The following MPHOSPH10 variants were observed in gnomAD, a reference collection of about 807,000 sequenced individuals.
The protein encoded by MPHOSPH10 is M-phase phosphoprotein 10.
A neutral mutation model predicts 77.3 loss-of-function variants in MPHOSPH10; 33 were observed. That is an observed-to-expected ratio of 0.43 (90% CI 0.32 to 0.57). The LOEUF (loss-of-function observed/expected upper bound fraction) is 0.57. Among genes scored for constraint, MPHOSPH10 ranks in the 20% least tolerant of loss-of-function variants. The probability of loss-of-function intolerance (pLI) is 0.07; values close to 1 mark genes in which losing one functional copy is unlikely to be tolerated. For missense variants in MPHOSPH10, 708 were observed against 780.1 expected, an observed-to-expected ratio of 0.91 and a Z score of 1.10; for synonymous variants, 245 against 268.0, an observed-to-expected ratio of 0.91 and a Z score of 0.84.
intron 4 of MPHOSPH10, 144 bp from the exon 5 acceptor site, chr2:71,138,346 A>T (rs1673535679): frequency 1.5e-6 from 1 of 667,246 alleles, no homozygotes; most frequent in East Asian, 2.8e-5. Context: ...ATAGGAAGTC[A>T]TCGACAGAAT....
intron 3 of MPHOSPH10, 59 bp from the exon 4 acceptor site, chr2:71,134,567 C>T: frequency 4.0e-6 from 6 of 1,485,276 alleles, no homozygotes; most frequent in Non-Finnish European, 3.6e-6. Context: ...AATTTGTTTC[C>T]TTTTGTTTTT....
At chr2:71,147,749 C>A (rs1673742980) in intron 8 of MPHOSPH10, among the ~76,000 whole-genome samples, 1 of 152,158 alleles carries the variant, frequency 6.6e-6, no homozygotes, top group East Asian at 1.9e-4. Context: ...ATACCCAGGT[C>A]TCTGGGATCC....
intron 7 of MPHOSPH10, among the ~76,000 whole-genome samples, chr2:71,141,817 G>A (rs1673619771): frequency 6.6e-6 from 1 of 151,988 alleles, no homozygotes; most frequent in Non-Finnish European, 1.5e-5. Flanking sequence ...ATTGCTTGAG[G>A]TCAGGAGTTT....
chr2:71,145,299 T>G (rs1053379947), intron 8 of MPHOSPH10, among the ~76,000 whole-genome samples: 4 of 152,232 alleles, frequency 2.6e-5, no homozygotes, highest in Non-Finnish European at 5.9e-5. Context: ...TGTCATGAAT[T>G]AAAGACTAGT....
intron 7 of MPHOSPH10, 99 bp from the exon 8 acceptor site, chr2:71,144,329 G>C (rs768538271): frequency 2.3e-6 from 2 of 875,824 alleles, no homozygotes; most frequent in African/African-American, 1.7e-5. Context: ...TGAAGCTTTA[G>C]TGATGAGAAG....
intron 3 of MPHOSPH10, 138 bp from the exon 4 acceptor site, chr2:71,134,488 T>G (rs72905515): frequency 0.014 from 10,233 of 741,968 alleles, 520 homozygotes; most frequent in African/African-American, 0.13. Flanking sequence ...CCTTAATAAC[T>G]GAATGATTTT....
chr2:71,141,378 G>T lies in MPHOSPH10; in HGVS notation c.1446+9G>T. 1 of 1,502,568 alleles carries T rather than the reference G, an allele frequency of 6.7e-7. No individual in the cohort carries two copies. Among genetic ancestry groups the T allele is most frequent in the African/African-American group, 1.4e-5 (1 of 70,118 alleles). 93.1% of individuals were successfully genotyped at this position (1,502,568 alleles called of 1,614,324 possible). ...ACATCAAACTCAACCAGGTGAGGAA[G>T]CCTGTAAGGCCAAGCCATTATTATT... is the stretch of plus-strand genomic sequence containing the variant. On this transcript the variant is annotated intron_variant, in intron 7 of 10. Coordinates refer to ENST00000244230, the MANE Select transcript of MPHOSPH10 (RefSeq NM_005791.3).
chr2:71,133,863 A>C lies in MPHOSPH10; in HGVS notation c.769-85A>C, dbSNP rs1007750087. 5 of 992,482 alleles carry C rather than the reference A, an allele frequency of 5.0e-6. No homozygotes were observed. In the African/African-American group the frequency reaches 8.2e-5, roughly 16 times the overall value. The allele number at this position is 992,482 out of a possible 1,614,324, so 61.5% of individuals were successfully genotyped here. ...TATTAAGTCAGAAAGTAATATATAC[A>C]TACAATATACATGCAAATCTATATG... On this transcript the variant is annotated intron_variant, in intron 2 of 10. Coordinates refer to ENST00000244230, the MANE Select transcript of MPHOSPH10 (RefSeq NM_005791.3).
chr2:71,130,754 C>G lies in MPHOSPH10; in HGVS notation c.89C>G (p.Thr30Arg). Residue 30 changes from threonine (T) to arginine (R), a missense_variant and splice_region_variant, in exon 1 of 11, where the codon ACG (threonine) becomes AGG (arginine). Physicochemically the swap from Thr to Arg is moderately conservative, Grantham distance 71 (BLOSUM62 -1). This residue lies in a region of MPHOSPH10 where 433 missense variants were observed against 432.6 expected (regional missense o/e 1.00). Coordinates refer to ENST00000244230, the MANE Select transcript of MPHOSPH10 (RefSeq NM_005791.3). Reference protein sequence around the residue: ...KATGRPECFLTIQEGLASKFT... With the variant: ...KATGRPECFLRIQEGLASKFT... ...ACGGGTCGGCCCGAGTGCTTCCTCACGTAAGTGCGCAGATCCCGGGCTCGG... is the reference window on the plus strand; with the variant it reads ...ACGGGTCGGCCCGAGTGCTTCCTCAGGTAAGTGCGCAGATCCCGGGCTCGG... The G allele has an allele frequency of 6.2e-7, 1 of 1,605,070 alleles. No homozygotes were observed. Among genetic ancestry groups the G allele is most frequent in the Non-Finnish European group, 8.5e-7 (1 of 1,175,100 alleles).
chr2:71,148,195 AC>A lies in MPHOSPH10; in HGVS notation c.1665+90del, dbSNP rs1673754814. 6.2e-6 allele frequency: 7 copies of A among 1,126,386 alleles called. No homozygotes were observed. The Middle Eastern group carries it at 8.0e-4, about 128-fold the overall frequency. 69.8% of individuals were successfully genotyped at this position (1,126,386 alleles called of 1,614,324 possible). ...ATTTATTTGACGTCATTTGCCTTGC[AC>A]TTGTAGTTCTTATTCCAATGTATCT... On this transcript the variant is annotated intron_variant, in intron 9 of 10. Coordinates refer to ENST00000244230, the MANE Select transcript of MPHOSPH10 (RefSeq NM_005791.3).
chr2:71,135,559 AT>A (rs1673471830), intron 4 of MPHOSPH10, among the ~76,000 whole-genome samples: 1 of 152,004 alleles, frequency 6.6e-6, no homozygotes, highest in Non-Finnish European at 1.5e-5. Flanking sequence ...AAATAAAAAA[AT>A]TTTTAAAGAT....
chr2:71,137,648 G>A (rs1352872005), intron 4 of MPHOSPH10, among the ~76,000 whole-genome samples: 1 of 117,700 alleles, frequency 8.5e-6, no homozygotes, highest in African/African-American at 3.4e-5. Context: ...AACTGAGCGA[G>A]ACTGTCTCAA....
At chr2:71,141,626 T>A (rs1426429275) in intron 7 of MPHOSPH10, among the ~76,000 whole-genome samples, 1 of 152,196 alleles carries the variant, frequency 6.6e-6, no homozygotes, top group Non-Finnish European at 1.5e-5. Flanking sequence ...GCAATTATGG[T>A]GGTGCTACAA....
chr2:71,136,788 A>G (rs1014380630), intron 4 of MPHOSPH10, among the ~76,000 whole-genome samples: 1 of 152,090 alleles, frequency 6.6e-6, no homozygotes, highest in African/African-American at 2.4e-5. Context: ...TTAAGTTTCA[A>G]TAAATCAAAA....
intron 1 of MPHOSPH10, among the ~76,000 whole-genome samples, chr2:71,132,258 A>C (rs1673402795): frequency 6.6e-6 from 1 of 151,726 alleles, no homozygotes; most frequent in Non-Finnish European, 1.5e-5. Context: ...GTAAATCATC[A>C]TTTCATCCCT....
chr2:71,142,792 G>A (rs1266587961), intron 7 of MPHOSPH10, among the ~76,000 whole-genome samples: 2 of 152,192 alleles, frequency 1.3e-5, no homozygotes, highest in African/African-American at 2.4e-5. Context: ...GCTGATGATG[G>A]ACATTGGAAA....
chr2:71,135,705 T>G lies in MPHOSPH10; in HGVS notation c.1098+908T>G, dbSNP rs540676657. Among the ~76,000 whole-genome samples, 3 of 147,442 alleles carry G rather than the reference T, an allele frequency of 2.0e-5. No homozygotes were observed. In the East Asian group the frequency reaches 5.9e-4, roughly 29 times the overall value. On this transcript the variant is annotated intron_variant, in intron 4 of 10. Transcript: ENST00000244230. ...TATGTCTTTTCTTTTTCTTTTTCTT[T>G]TTTTTTTTTTTTTTGAGACAGAGTT... is the stretch of plus-strand genomic sequence containing the variant.
Position 71,149,440 on chromosome 2 carries a change from C to T in MPHOSPH10, c.1883C>T (p.Ala628Val), listed in dbSNP as rs1422796054. The T allele has an allele frequency of 6.2e-7, 1 of 1,613,576 alleles. No homozygotes were observed. The highest frequency in any genetic ancestry group is 1.1e-5 in the South Asian group (1 of 90,892). The change falls in exon 10 of 11, where the codon GCT becomes GTT. Residue 628 changes from alanine (A) to valine (V), a missense_variant. Coordinates refer to ENST00000244230, the MANE Select transcript of MPHOSPH10 (RefSeq NM_005791.3). The part of the protein sequence containing the change: ...KLKQLTKTGK[A>V]SFIKDEGKDK... ...AAACAGCTGACCAAAACTGGCAAAGCTTCCTTCATAAAGGTAAGGACAAGG... is the reference window on the plus strand; with the variant it reads ...AAACAGCTGACCAAAACTGGCAAAGTTTCCTTCATAAAGGTAAGGACAAGG...
chr2:71,133,056 A>G lies in MPHOSPH10; in HGVS notation c.248A>G (p.Gln83Arg). 6.2e-7 allele frequency: 1 copy of G among 1,614,218 alleles called. No homozygotes were observed. Among genetic ancestry groups the G allele is most frequent in the Non-Finnish European group, 8.5e-7 (1 of 1,180,030 alleles). Residue 83 changes from glutamine (Q) to arginine (R), a missense_variant, in exon 2 of 11, where the codon CAA becomes CGA. By Grantham distance (43) the Gln-to-Arg change is conservative. Around this residue, in one of 3 missense-constraint regions of MPHOSPH10, gnomAD observed 433 missense variants for 432.6 expected, o/e 1.00. Transcript: ENST00000244230. ...DEQIWQQLEL[Q>R]NEPILQYFQN... Reference sequence around the variant, plus strand: ...CAGATTTGGCAACAACTGGAATTGCAAAATGAACCAATTTTACAATACTTT... The same window carrying G: ...CAGATTTGGCAACAACTGGAATTGCGAAATGAACCAATTTTACAATACTTT...
Sources: allele counts gnomAD v4.1 joint callset (sites outside exome capture counted in the v4.1 genomes callset), GRCh38; gene constraint gnomAD v4.1.1; regional missense constraint gnomAD v4.1.1; transcripts MANE v1.5; gene names NCBI Gene and HGNC (gene_info 2026-07-23, HGNC 2026-07-21).